Variants in GGTLC1 observed in about 807,000 individuals in gnomAD.
GGTLC1 encodes the protein gamma-glutamyltransferase light chain 1, also known as glutathione hydrolase light chain 1.
GGTLC1 carries 14 observed loss-of-function variants against 19.5 expected under a neutral mutation model. The observed-to-expected ratio is 0.72, with a 90% confidence interval of 0.47 to 1.12. The LOEUF (loss-of-function observed/expected upper bound fraction) is 1.12. Among genes scored for constraint, GGTLC1 ranks in the 50% most tolerant of loss-of-function variants. GGTLC1 has a pLI of 0.00. For synonymous variants in GGTLC1, 110 were observed against 124.2 expected, an observed-to-expected ratio of 0.89 and a Z score of 0.76; for missense variants, 304 against 309.2, an observed-to-expected ratio of 0.98 and a Z score of 0.13.
chr20:23,987,921 C>T (rs1334593147), intron 1 of GGTLC1, among the ~76,000 whole-genome samples: 1 of 136,022 alleles, frequency 7.4e-6, no homozygotes, highest in African/African-American at 3.0e-5. Context: ...TGGTGGCGGG[C>T]GCCTGTAGTC....
chr20:23,986,997 C>T lies in GGTLC1; in HGVS notation c.-34-352G>A, dbSNP rs550824345. ...TGCCAAGAAAAACAAACACACACAG[C>T]GAAAGTGCTGAAACCACAAGCCAGG... is the stretch of plus-strand genomic sequence containing the variant. On this transcript the variant is annotated intron_variant, in intron 1 of 5. Transcript: ENST00000335694. 2.1e-4 allele frequency: 89 copies of T among 425,018 alleles called. 1 individual carries two copies. The highest frequency in any genetic ancestry group is 1.4e-3 in the South Asian group (60 of 42,944). 26.3% of individuals were successfully genotyped at this position (425,018 alleles called of 1,614,324 possible).
chr20:23,986,048 C>A (rs778899860), intron 3 of GGTLC1, 28 bp downstream of exon 3: 3 of 1,571,030 alleles, frequency 1.9e-6, no homozygotes, highest in Non-Finnish European at 2.6e-6. Context: ...CCACCCCAGT[C>A]CCCCACCCTC....
intron 1 of GGTLC1, among the ~76,000 whole-genome samples, chr20:23,987,572 C>T (rs1041194643): frequency 4.6e-5 from 7 of 151,810 alleles, no homozygotes; most frequent in Non-Finnish European, 7.4e-5. Flanking sequence ...CATGGGTTCA[C>T]GGGCAAGGGC....
In GGTLC1 at chr20:23,985,085, C is replaced by T. The variant is rs1987790353; in HGVS notation, c.*131G>A. 1 of 1,403,824 alleles carries T rather than the reference C, an allele frequency of 7.1e-7. No homozygotes were observed. The highest frequency in any genetic ancestry group is 2.0e-5 in the Admixed American group (1 of 50,244). 87.0% of individuals were successfully genotyped at this position (1,403,824 alleles called of 1,614,324 possible). On this transcript the variant is annotated 3_prime_UTR_variant, in exon 6 of 6. Transcript: ENST00000335694. ...ACAGGCCAGGGAGGCCACCTGGAGC[C>T]TGGCACAGTGGCCTCATTTATTGTG...
In GGTLC1 at chr20:23,988,223, T is replaced by G. The variant is rs192195052; in HGVS notation, c.-35+386A>C. 2.7e-5 allele frequency among the ~76,000 whole-genome samples: 4 copies of G among 150,256 alleles called. No homozygotes were observed. The East Asian group carries it at 8.2e-4, about 31-fold the overall frequency. ...GCCACCATGTCTGACTAAATTTGTATTTTTACTAGAGACGGGGTTTCGCTA... is the reference window on the plus strand; with the variant it reads ...GCCACCATGTCTGACTAAATTTGTAGTTTTACTAGAGACGGGGTTTCGCTA... On this transcript the variant is annotated intron_variant, in intron 1 of 5. Transcript: ENST00000335694.
chr20:23,988,512 C>T (rs1175343400), intron 1 of GGTLC1, 97 bp downstream of exon 1: 15 of 617,408 alleles, frequency 2.4e-5, no homozygotes, highest in Non-Finnish European at 6.1e-6. Flanking sequence ...CCTGTTCCTC[C>T]CGCGACCTTT....
At position 23,985,061 on chromosome 20, in the gene GGTLC1, C is replaced by G. The variant is rs41282300; in HGVS notation, c.*155G>C. Reference sequence around the variant, plus strand: ...CACTGAGGCCCAGAGAGTGGGGAGACAGGCCAGGGAGGCCACCTGGAGCCT... The same window carrying G: ...CACTGAGGCCCAGAGAGTGGGGAGAGAGGCCAGGGAGGCCACCTGGAGCCT... On this transcript the variant is annotated 3_prime_UTR_variant, in exon 6 of 6. Transcript: ENST00000335694. The G allele has an allele frequency of 0.044, 46,305 of 1,043,324 alleles. 1,303 individuals are homozygous for G. The highest frequency in any genetic ancestry group is 0.055 in the Non-Finnish European group (38,255 of 701,674). 64.6% of individuals were successfully genotyped at this position (1,043,324 alleles called of 1,614,324 possible).
At chr20:23,987,493 G>A (rs1037280820) in intron 1 of GGTLC1, among the ~76,000 whole-genome samples, 53 of 152,246 alleles carry the variant, frequency 3.5e-4, no homozygotes, top group Admixed American at 2.0e-3. Flanking sequence ...ATGGTCAGGA[G>A]CTTGATTTTG....
chr20:23,988,417 G>A (rs1323548891), intron 1 of GGTLC1, among the ~76,000 whole-genome samples, 192 bp downstream of exon 1: 2 of 151,834 alleles, frequency 1.3e-5, no homozygotes, highest in South Asian at 2.1e-4. Flanking sequence ...GCAATGGCGC[G>A]ATCTCAGCTC....
Position 23,985,712 on chromosome 20 carries a change from G to C in GGTLC1, c.486C>G (p.Asn162Lys). ...CTGTCGTGACGTTGGGCAGAAGCTG[G>C]TTGTGCAGCCGGGGCTCCTCCACGG... ...KWAVEEPRLH[N>K]QLLPNVTTVE... Residue 162 changes from asparagine to lysine, a missense_variant, in exon 5 of 6, where the codon AAC becomes AAG. Coordinates refer to ENST00000335694, the MANE Select transcript of GGTLC1 (RefSeq NM_178311.3). The C allele has an allele frequency of 3.7e-6, 6 of 1,612,062 alleles. No individual in the cohort carries two copies. The highest frequency in any genetic ancestry group is 5.1e-6 in the Non-Finnish European group (6 of 1,179,874).
intron 1 of GGTLC1, among the ~76,000 whole-genome samples, chr20:23,987,351 T>G (rs1269251240): frequency 6.6e-6 from 1 of 151,970 alleles, no homozygotes; most frequent in Non-Finnish European, 1.5e-5. Context: ...ATGACGGGGA[T>G]AAGGATAAAG....
chr20:23,985,574 C>T, intron 5 of GGTLC1, 93 bp downstream of exon 5: 1 of 1,602,420 alleles, frequency 6.2e-7, no homozygotes. Flanking sequence ...GAGAGGACAC[C>T]AACCATTGTC....
At chr20:23,987,170 CAG>C (rs1382520215) in intron 1 of GGTLC1, among the ~76,000 whole-genome samples, 1 of 152,080 alleles carries the variant, frequency 6.6e-6, no homozygotes, top group Non-Finnish European at 1.5e-5. Context: ...GAGCGATAGG[CAG>C]AGAGTGAATG....
intron 2 of GGTLC1, 38 bp downstream of exon 2, chr20:23,986,398 C>G: frequency 6.2e-7 from 1 of 1,608,406 alleles, no homozygotes; most frequent in South Asian, 1.1e-5. Flanking sequence ...CCACCCTCCC[C>G]TGGCCCTTTC....
rs1486164368 is a variant in GGTLC1 at position 23,985,709 on chromosome 20, C to T, written c.489G>A (p.Gln163=). 5 of 1,611,950 alleles carry T rather than the reference C, an allele frequency of 3.1e-6. No homozygotes were observed. The highest frequency in any genetic ancestry group is 3.4e-6 in the Non-Finnish European group (4 of 1,179,884). The part of the protein sequence containing the change: ...WAVEEPRLHN[Q]LLPNVTTVER... ...CCACTGTCGTGACGTTGGGCAGAAG[C>T]TGGTTGTGCAGCCGGGGCTCCTCCA... The change falls in exon 5 of 6, where the codon CAG becomes CAA. Residue 163 remains glutamine, a synonymous_variant. Coordinates refer to ENST00000335694, the MANE Select transcript of GGTLC1 (RefSeq NM_178311.3).
intron 5 of GGTLC1, 128 bp downstream of exon 5, chr20:23,985,539 G>C: frequency 6.3e-7 from 1 of 1,583,488 alleles, no homozygotes; most frequent in Middle Eastern, 2.3e-4. Context: ...ATGGCACAGG[G>C]GCTCCAGATG....
chr20:23,986,627 C>T lies in GGTLC1; in HGVS notation c.-16G>A, dbSNP rs572844063. The T allele has an allele frequency of 2.5e-6, 4 of 1,611,010 alleles. No homozygotes were observed. The highest frequency in any genetic ancestry group is 4.5e-5 in the East Asian group (2 of 44,820). On this transcript the variant is annotated 5_prime_UTR_variant, in exon 2 of 6. Coordinates refer to ENST00000335694, the MANE Select transcript of GGTLC1 (RefSeq NM_178311.3). ...CGGAGGTCATGTCGCGGACCACCTG[C>T]CGAGACCCCAGAGCTGGCCTAGGGA... is the stretch of plus-strand genomic sequence containing the variant.
At chr20:23,986,320 G>A in intron 2 of GGTLC1, 116 bp downstream of exon 2, 1 of 1,604,122 alleles carries the variant, frequency 6.2e-7, no homozygotes, top group African/African-American at 1.3e-5. Flanking sequence ...ACCAAGGTTG[G>A]GCCTCAGTTT....
chr20:23,987,461 T>C (rs1987997683), intron 1 of GGTLC1, among the ~76,000 whole-genome samples: 1 of 152,124 alleles, frequency 6.6e-6, no homozygotes, highest in African/African-American at 2.4e-5. Context: ...AGGTAAACTC[T>C]GCAGAAGGGG....
Sources: gnomAD v4.1 joint callset for allele counts (sites outside exome capture counted in the v4.1 genomes callset) on GRCh38, gnomAD v4.1.1 for gene constraint, MANE v1.5 for transcripts, NCBI Gene and HGNC (gene_info 2026-07-23, HGNC 2026-07-21) for gene names.